The following C9orf72 variants were observed in gnomAD, a reference collection of about 807,000 sequenced individuals.
C9orf72 encodes C9orf72-SMCR8 complex subunit.
A neutral mutation model predicts 51.6 loss-of-function variants in C9orf72; 44 were observed. The observed-to-expected ratio is 0.85, with a 90% CI of 0.67 to 1.10. The LOEUF is 1.10. Among genes scored for constraint, C9orf72 ranks in the 50% least tolerant of loss-of-function variants. The pLI, the probability that C9orf72 is intolerant of heterozygous loss-of-function variation, is 0.00. For synonymous variants in C9orf72, 213 were observed against 194.2 expected (o/e 1.10, Z -0.81); for missense variants, 607 against 570.6 (o/e 1.06, Z -0.65).
At chr9:27,570,025 C>CT (rs1018495652) in intron 1 of C9orf72, among the ~76,000 whole-genome samples, 1 of 152,182 alleles carries the variant, frequency 6.6e-6, no homozygotes, top group African/African-American at 2.4e-5. Context: ...ACAGTTAACT[C>CT]TAAGTATGTA....
At chr9:27,552,166 AGG>A (rs1287987174) in intron 8 of C9orf72, among the ~76,000 whole-genome samples, 13 of 152,168 alleles carry the variant, frequency 8.5e-5, no homozygotes, top group African/African-American at 3.1e-4. Flanking sequence ...TGCTCTGGCT[AGG>A]ACTTCCAGAA....
rs1820776609 is a variant in C9orf72 at position 27,546,732 on chromosome 9, T to C, written c.*1504A>G. ...AATCTACCATGTAAAAAACACAGTA[T>C]GGGACACTACAAGGTAGTATTTATA... On this transcript the variant is annotated 3_prime_UTR_variant, in exon 11 of 11. Transcript: ENST00000380003. The C allele has an allele frequency of 6.6e-6, 1 of 152,164 alleles. No individual in the cohort carries two copies. The highest frequency in any genetic ancestry group is 2.4e-5 in the African/African-American group (1 of 41,422). The allele number at this position is 152,164 out of a possible 1,614,324, so 9.4% of individuals were successfully genotyped here.
rs1372931645 is a variant in C9orf72 at position 27,556,596 on chromosome 9, C to T, written c.1056G>A (p.Thr352=). The T allele has an allele frequency of 9.3e-6, 15 of 1,613,412 alleles. No homozygotes were observed. The highest frequency in any genetic ancestry group is 2.2e-5 in the East Asian group (1 of 44,864). The change falls in exon 8 of 11, where the codon ACG becomes ACA. Residue 352 remains threonine (T), a synonymous_variant. Transcript: ENST00000380003. ...ATSEEDMAQD[T]IIYTDESFTP... ...TAAAGCTTTCGTCAGTGTAGATGAT[C>T]GTATCCTGAGCCATGTCTTCTTCTG...
chr9:27,565,519 A>G lies in C9orf72; in HGVS notation c.504+12T>C, dbSNP rs1359960239. On this transcript the variant is annotated intron_variant, in intron 3 of 10. Coordinates refer to ENST00000380003, the MANE Select transcript of C9orf72 (RefSeq NM_018325.5). ...TGAGAAAAACATTTGACAGTATGCA[A>G]TTTGCATATACCTGATCTTCCATTC... 6 of 1,564,948 alleles carry G rather than the reference A, an allele frequency of 3.8e-6. No individual in the cohort carries two copies. The East Asian group carries it at 1.1e-4, about 29-fold the overall frequency.
rs1436003727 is a variant in C9orf72, at chr9:27,546,794, T to C, written c.*1442A>G. ...TGACTGAGCTACAGTACAACAGTCA[T>C]CTAGTTCAGTGGTTGTCTAAAACAT... On this transcript the variant is annotated 3_prime_UTR_variant, in exon 11 of 11. Coordinates refer to ENST00000380003, the MANE Select transcript of C9orf72 (RefSeq NM_018325.5). 1 of 152,202 alleles carries C rather than the reference T, an allele frequency of 6.6e-6. No individual in the cohort carries two copies. Among genetic ancestry groups the C allele is most frequent in the Non-Finnish European group, 1.5e-5 (1 of 68,038 alleles). The allele number at this position is 152,202 out of a possible 1,614,324, so 9.4% of individuals were successfully genotyped here. A position where few individuals can be genotyped will look rare whatever the true frequency, so the allele number is the denominator to read the frequency against.
chr9:27,562,570 T>G (rs1174829266), intron 3 of C9orf72, 94 bp from the exon 4 acceptor site: 2 of 540,892 alleles, frequency 3.7e-6, no homozygotes, highest in African/African-American at 3.9e-5. Flanking sequence ...AATAACATTC[T>G]TTGATGAAAA....
At chr9:27,552,771 A>G (rs1410514469) in intron 8 of C9orf72, among the ~76,000 whole-genome samples, 1 of 152,080 alleles carries the variant, frequency 6.6e-6, no homozygotes, top group Non-Finnish European at 1.5e-5. Context: ...AATCACACTT[A>G]TTGATTTGTG....
chr9:27,561,270 G>A (rs981925831), intron 5 of C9orf72: 2 of 1,122,056 alleles, frequency 1.8e-6, no homozygotes, highest in Middle Eastern at 3.9e-4. Context: ...TTCATCTACA[G>A]TACAACTTAA....
At position 27,548,318 on chromosome 9, in the gene C9orf72, A is replaced by G. The variant is rs569786818; in HGVS notation, c.1364T>C (p.Ile455Thr). ...LNIIMALAEK[I>T]KPGLHSFIFG... is the part of the protein sequence containing the mutation. ...GATAAAAGAGTGTAGGCCTGGTTTA[A>G]TTTTCTCAGCCAGAGCCATTATTAT... Residue 455 changes from isoleucine (I) to threonine (T), a missense_variant, in exon 11 of 11, where the codon ATT (isoleucine) becomes ACT (threonine). Physicochemically the swap from Ile to Thr is moderately conservative, Grantham distance 89. Coordinates refer to ENST00000380003, the MANE Select transcript of C9orf72 (RefSeq NM_018325.5). 5 of 1,612,506 alleles carry G rather than the reference A, an allele frequency of 3.1e-6. 1 individual carries two copies. The highest frequency in any genetic ancestry group is 3.3e-5 in the Admixed American group (2 of 59,768).
At position 27,565,561 on chromosome 9, in the gene C9orf72, G is replaced by T. The variant is rs1819449604; in HGVS notation, c.474C>A (p.Ile158=). 6.2e-7 allele frequency: 1 copy of T among 1,606,168 alleles called. No individual in the cohort carries two copies. Among genetic ancestry groups the T allele is most frequent in the Admixed American group, 1.7e-5 (1 of 59,696 alleles). The stretch of plus-strand genomic sequence containing the variant: ...CTTCCATTCTCTCTGTGCCTTCTAA[G>T]ATAATCTTCTGGACATTTTCTTGTC... ...KERQENVQKI[I]LEGTERMEDQ... is the part of the protein sequence containing the mutation. Residue 158 remains isoleucine (I), a synonymous_variant, in exon 3 of 11, where the codon ATC becomes ATA. Coordinates refer to ENST00000380003, the MANE Select transcript of C9orf72 (RefSeq NM_018325.5).
intron 9 of C9orf72, among the ~76,000 whole-genome samples, chr9:27,549,322 C>T (rs747266353): frequency 3.3e-5 from 5 of 151,970 alleles, no homozygotes; most frequent in Non-Finnish European, 4.4e-5. Flanking sequence ...GAAGATGAGC[C>T]TATGGTTTTG....
rs760497690 is a variant in C9orf72, at chr9:27,566,776, T to C, written c.345A>G (p.Ile115Met). 3 of 1,613,766 alleles carry C rather than the reference T, an allele frequency of 1.9e-6. No homozygotes were observed. In the South Asian group the frequency reaches 3.3e-5, roughly 18 times the overall value. The change falls in exon 2 of 11, where the codon ATA becomes ATG. Residue 115 changes from isoleucine (I) to methionine (M), a missense_variant. Ile to Met is a conservative substitution (Grantham distance 10). Transcript: ENST00000380003. The part of the protein sequence containing the change: ...GDRSTYGLSI[I>M]LPQTELSFYL... ...AGAAACTAAGTTCTGTCTGTGGAAG[T>C]ATAATTGATAGTCCATATGTGCTGC...
In C9orf72 at chr9:27,554,779, CTT is replaced by C. The variant is rs1820976343; in HGVS notation, c.1091+1780_1091+1781del. Among the ~76,000 whole-genome samples, 5 of 152,212 alleles carry C rather than the reference CTT, an allele frequency of 3.3e-5. No homozygotes were observed. The South Asian group carries it at 6.2e-4, about 19-fold the overall frequency. ...AGTAAAATGACTCTGTGACAATAGA[CTT>C]AACACACAATCTAGTGGCTGAAAAT... On this transcript the variant is annotated intron_variant, in intron 8 of 10. Coordinates refer to ENST00000380003, the MANE Select transcript of C9orf72 (RefSeq NM_018325.5).
At chr9:27,562,852 G>C (rs1819383642) in intron 3 of C9orf72, among the ~76,000 whole-genome samples, 1 of 151,922 alleles carries the variant, frequency 6.6e-6, no homozygotes, top group Non-Finnish European at 1.5e-5. Flanking sequence ...TGTATTTTTA[G>C]TAGAGACGGG....
intron 1 of C9orf72, among the ~76,000 whole-genome samples, chr9:27,570,213 G>A (rs555641916): frequency 2.0e-5 from 3 of 152,292 alleles, no homozygotes; most frequent in East Asian, 3.9e-4. Context: ...AATGTAAGCA[G>A]TCAGTTTACA....
rs1050403507 is a variant in C9orf72 at position 27,566,525 on chromosome 9, T to C, written c.444+152A>G. On this transcript the variant is annotated intron_variant, in intron 2 of 10. Transcript: ENST00000380003. ...TGAAGATGACAGGTATCAGACCAGA[T>C]GTATTTGTATCTAATAGGGTAAATG... 10 of 586,816 alleles carry C rather than the reference T, an allele frequency of 1.7e-5. No individual in the cohort carries two copies. The African/African-American group carries it at 1.9e-4, about 11-fold the overall frequency. 36.4% of individuals were successfully genotyped at this position (586,816 alleles called of 1,614,324 possible). A position where few individuals can be genotyped will look rare whatever the true frequency, so the allele number is the denominator to read the frequency against.
chr9:27,555,628 A>G (rs60613335), intron 8 of C9orf72, among the ~76,000 whole-genome samples: 3,217 of 150,638 alleles, frequency 0.021, 56 homozygotes, highest in Middle Eastern at 0.048. Flanking sequence ...CTGGCACATC[A>G]TAACTCCCTG....
At position 27,548,283 on chromosome 9, in the gene C9orf72, G is replaced by C; in HGVS notation, c.1399C>G (p.Pro467Ala). The C allele has an allele frequency of 6.2e-7, 1 of 1,612,724 alleles. No individual in the cohort carries two copies. The highest frequency in any genetic ancestry group is 8.5e-7 in the Non-Finnish European group (1 of 1,179,296). ...PGLHSFIFGR[P>A]FYTSVQERDV... ...CGTTCTTGCACACTAGTGTAGAAAG[G>C]TCTTCCAAAGATAAAAGAGTGTAGG... The change falls in exon 11 of 11, where the codon CCT (proline) becomes GCT (alanine). Residue 467 changes from proline to alanine, a missense_variant. Coordinates refer to ENST00000380003, the MANE Select transcript of C9orf72 (RefSeq NM_018325.5).
At chr9:27,550,585 A>G in intron 9 of C9orf72, 65 bp downstream of exon 9, 1 of 971,112 alleles carries the variant, frequency 1.0e-6, no homozygotes, top group Admixed American at 2.1e-5. Context: ...CAGGCATTGT[A>G]GGATATATTA....
Sources: allele counts gnomAD v4.1 joint callset (sites outside exome capture counted in the v4.1 genomes callset), GRCh38; gene constraint gnomAD v4.1.1; transcripts MANE v1.5; gene names NCBI Gene and HGNC (gene_info 2026-07-23, HGNC 2026-07-21).